PPM1L: variants seen among roughly 807,000 people sequenced by gnomAD.
PPM1L encodes protein phosphatase, Mg2+/Mn2+ dependent 1L.
PPM1L carries 13 observed loss-of-function variants against 31.4 expected under a neutral mutation model. The observed-to-expected ratio is 0.41, with a 90% confidence interval of 0.27 to 0.66. The LOEUF (loss-of-function observed/expected upper bound fraction) is 0.66. PPM1L is among the 30% of genes least tolerant of loss of function. The pLI, the probability that PPM1L is intolerant of heterozygous loss-of-function variation, is 0.29. For missense variants in PPM1L, 326 were observed against 453.7 expected (o/e 0.72, Z 2.56); for synonymous variants, 184 against 175.4 (o/e 1.05, Z -0.39).
intron 1 of PPM1L, among the ~76,000 whole-genome samples, chr3:160,883,897 A>T (rs1712818627): frequency 6.6e-6 from 1 of 150,780 alleles, no homozygotes; most frequent in Non-Finnish European, 1.5e-5. Context: ...AAAAAAAAAA[A>T]AAATTAAAAA....
At chr3:161,002,259 C>T (rs1399520478) in intron 2 of PPM1L, among the ~76,000 whole-genome samples, 2 of 152,126 alleles carry the variant, frequency 1.3e-5, no homozygotes, top group Admixed American at 6.6e-5. Flanking sequence ...TGGGTTGGTT[C>T]CAAGTCTTTG....
At chr3:160,859,607 C>T (rs1054935125) in intron 1 of PPM1L, among the ~76,000 whole-genome samples, 2 of 152,158 alleles carry the variant, frequency 1.3e-5, no homozygotes, top group Non-Finnish European at 2.9e-5. Flanking sequence ...GCTGTATTCA[C>T]TCCTACTAGG....
chr3:160,965,949 T>G (rs182087794), intron 2 of PPM1L, among the ~76,000 whole-genome samples: 9 of 152,266 alleles, frequency 5.9e-5, no homozygotes, highest in African/African-American at 2.2e-4. Context: ...TTAGACATTT[T>G]TCTAAAATCA....
chr3:160,920,611 T>TCACA (rs1714361270), intron 1 of PPM1L, among the ~76,000 whole-genome samples: 8 of 35,578 alleles, frequency 2.2e-4, no homozygotes, highest in East Asian at 3.7e-4. Flanking sequence ...TCTCTCTCTC[T>TCACA]CTCTCACACA....
At chr3:161,009,326 G>T (rs1379665431) in intron 2 of PPM1L, among the ~76,000 whole-genome samples, 1 of 151,916 alleles carries the variant, frequency 6.6e-6, no homozygotes, top group East Asian at 1.9e-4. Flanking sequence ...TTTTCTTTTT[G>T]GAATGGAACA....
At chr3:160,952,821 G>A (rs1715616836) in intron 1 of PPM1L, among the ~76,000 whole-genome samples, 1 of 152,034 alleles carries the variant, frequency 6.6e-6, no homozygotes, top group African/African-American at 2.4e-5. Context: ...TGTTTTTTAG[G>A]CATATATGTG....
chr3:160,923,874 C>T (rs964501713), intron 1 of PPM1L, among the ~76,000 whole-genome samples: 9 of 152,162 alleles, frequency 5.9e-5, no homozygotes, highest in African/African-American at 2.2e-4. Flanking sequence ...TCTGGGACTC[C>T]TGATACCTTC....
intron 2 of PPM1L, among the ~76,000 whole-genome samples, chr3:161,005,323 G>C (rs148131050): frequency 2.6e-5 from 4 of 152,228 alleles, no homozygotes; most frequent in Non-Finnish European, 5.9e-5. Flanking sequence ...CACAGTACTA[G>C]TTTCTATGAA....
At chr3:160,988,609 C>A (rs903181338) in intron 2 of PPM1L, among the ~76,000 whole-genome samples, 1 of 152,126 alleles carries the variant, frequency 6.6e-6, no homozygotes, top group African/African-American at 2.4e-5. Flanking sequence ...GCCACTAGAG[C>A]AGGCACTAAA....
chr3:160,787,388 C>T (rs1249240696), intron 1 of PPM1L, among the ~76,000 whole-genome samples: 4 of 151,910 alleles, frequency 2.6e-5, no homozygotes, highest in Non-Finnish European at 1.5e-5. Flanking sequence ...GTTTTTTGGC[C>T]ACATGTATGT....
chr3:160,932,539 T>C (rs1333334611), intron 1 of PPM1L, among the ~76,000 whole-genome samples: 2 of 152,198 alleles, frequency 1.3e-5, no homozygotes, highest in Non-Finnish European at 2.9e-5. Context: ...AGTAATCTTA[T>C]AGGATGAAGA....
At chr3:160,908,538 G>A (rs1440013117) in intron 1 of PPM1L, among the ~76,000 whole-genome samples, 2 of 151,896 alleles carry the variant, frequency 1.3e-5, no homozygotes, top group Admixed American at 1.3e-4. Flanking sequence ...TTTTTTTAAA[G>A]TGTATCTTAC....
At chr3:160,808,188 T>A (rs1377116108) in intron 1 of PPM1L, among the ~76,000 whole-genome samples, 3 of 152,206 alleles carry the variant, frequency 2.0e-5, no homozygotes, top group Non-Finnish European at 4.4e-5. Flanking sequence ...TTAGATTTTC[T>A]AAGATTTTCT....
chr3:160,864,778 A>G (rs1712031112), intron 1 of PPM1L, among the ~76,000 whole-genome samples: 2 of 152,234 alleles, frequency 1.3e-5, no homozygotes, highest in South Asian at 2.1e-4. Flanking sequence ...CCCAGTCCTC[A>G]TCTGGGTATT....
At chr3:160,788,055 C>T (rs1193708868) in intron 1 of PPM1L, among the ~76,000 whole-genome samples, 1 of 152,086 alleles carries the variant, frequency 6.6e-6, no homozygotes, top group Non-Finnish European at 1.5e-5. Flanking sequence ...CATGATGCCT[C>T]TGGTTTTGTT....
intron 1 of PPM1L, among the ~76,000 whole-genome samples, chr3:160,789,779 C>A (rs1346473254): frequency 6.6e-6 from 1 of 151,732 alleles, no homozygotes; most frequent in Non-Finnish European, 1.5e-5. Flanking sequence ...GATATCGAAC[C>A]ATCTTTATTC....
intron 1 of PPM1L, among the ~76,000 whole-genome samples, chr3:160,806,386 T>C (rs891741099): frequency 6.6e-6 from 1 of 152,184 alleles, no homozygotes; most frequent in Non-Finnish European, 1.5e-5. Context: ...TTCATTGCTC[T>C]GTACATCTCA....
chr3:160,915,267 GACAA>G (rs1380916177), intron 1 of PPM1L, among the ~76,000 whole-genome samples: 1 of 152,056 alleles, frequency 6.6e-6, no homozygotes, highest in African/African-American at 2.4e-5. Flanking sequence ...TCCAATAATA[GACAA>G]ACAGAGAGCC....
At chr3:161,044,763 G>T (rs988650407) in intron 2 of PPM1L, among the ~76,000 whole-genome samples, 1 of 152,012 alleles carries the variant, frequency 6.6e-6, no homozygotes, top group Non-Finnish European at 1.5e-5. Context: ...TCAACTTCAC[G>T]CATAACAATA....
Sources: allele counts gnomAD v4.1 joint callset (sites outside exome capture counted in the v4.1 genomes callset), GRCh38; gene constraint gnomAD v4.1.1; transcripts MANE v1.5; gene names NCBI Gene and HGNC (gene_info 2026-07-23, HGNC 2026-07-21).